Variants in FARP1 observed in about 807,000 individuals in gnomAD.
FARP1 encodes the protein FERM, ARH/RhoGEF and pleckstrin domain protein 1.
A neutral mutation model predicts 128.8 loss-of-function variants in FARP1; 52 were observed. That is an observed-to-expected ratio of 0.40 (90% CI 0.32 to 0.51). The LOEUF is 0.51. FARP1 is among the 20% of genes least tolerant of loss of function. FARP1 has a pLI of 0.45. For missense variants in FARP1, 1,333 were observed against 1,367.9 expected (o/e 0.97, Z 0.40); for synonymous variants, 580 against 551.8 (o/e 1.05, Z -0.72).
chr13:98,225,119 A>T lies in FARP1; in HGVS notation c.171+11706A>T, dbSNP rs557705053. ...AGTCACAGCATAAGTTGAATATAAG[A>T]GCTGAAAAAACCTCAGATGTTACTA... On this transcript the variant is annotated intron_variant, in intron 2 of 26. Coordinates refer to ENST00000319562, the MANE Select transcript of FARP1 (RefSeq NM_005766.4). Among the ~76,000 whole-genome samples the T allele has an allele frequency of 5.3e-5, 8 of 152,360 alleles. No homozygotes were observed. In the South Asian group the frequency reaches 1.7e-3, roughly 32 times the overall value.
intron 3 of FARP1, among the ~76,000 whole-genome samples, chr13:98,358,074 T>A (rs2139935957): frequency 6.6e-6 from 1 of 151,862 alleles, no homozygotes; most frequent in East Asian, 1.9e-4. Context: ...CATTTCTGTT[T>A]TTTTTTTTTT....
chr13:98,176,570 C>A lies in FARP1; in HGVS notation c.-24+33078C>A. The A allele has an allele frequency of 6.2e-7, 1 of 1,614,238 alleles. No individual in the cohort carries two copies. The highest frequency in any genetic ancestry group is 8.5e-7 in the Non-Finnish European group (1 of 1,180,050). On this transcript the variant is annotated intron_variant, in intron 1 of 26. Coordinates refer to ENST00000319562, the MANE Select transcript of FARP1 (RefSeq NM_005766.4). This position sits in a 1 kb window ranked among gnomAD's most constrained non-coding sequence, Gnocchi z 6.2. ...TCAAGCTCCCGTTCAATCTCCCACC[C>A]GAGCTTGTAATCGGAACGGTCGTGG... is the stretch of plus-strand genomic sequence containing the variant.
intron 2 of FARP1, among the ~76,000 whole-genome samples, chr13:98,336,840 A>G (rs904257717): frequency 1.3e-5 from 2 of 152,260 alleles, no homozygotes; most frequent in South Asian, 2.1e-4. Context: ...TTAGAGCATC[A>G]TTAAAAGTAG....
chr13:98,435,231 G>T (rs1364701129), intron 18 of FARP1, among the ~76,000 whole-genome samples: 1 of 152,082 alleles, frequency 6.6e-6, no homozygotes, highest in Non-Finnish European at 1.5e-5. Context: ...CGAGTAACAG[G>T]AGGGAAAAGA....
chr13:98,284,830 C>G (rs1382843065), intron 2 of FARP1, among the ~76,000 whole-genome samples: 2 of 152,168 alleles, frequency 1.3e-5, no homozygotes, highest in Admixed American at 6.5e-5. Flanking sequence ...AATCGTTCTT[C>G]CTGTGCCAGC....
At chr13:98,187,700 A>G (rs1396691945) in intron 1 of FARP1, among the ~76,000 whole-genome samples, 1 of 152,228 alleles carries the variant, frequency 6.6e-6, no homozygotes, top group Non-Finnish European at 1.5e-5. Context: ...ATTTGAGTCC[A>G]GAAGTTGCTG....
chr13:98,181,681 G>T (rs753003872), intron 1 of FARP1, among the ~76,000 whole-genome samples: 6 of 150,890 alleles, frequency 4.0e-5, no homozygotes, highest in Non-Finnish European at 7.4e-5. Context: ...TTGCCCAGGG[G>T]TGTGTGGCGC....
Position 98,322,586 on chromosome 13 carries a change from C to A in FARP1, c.172-21176C>A, listed in dbSNP as rs192999618. The stretch of plus-strand genomic sequence containing the variant: ...CAGTGCTCCTTAGCCGAGTACAGTT[C>A]TGACTGCCATGCGACCAAGACCCGG... On this transcript the variant is annotated intron_variant, in intron 2 of 26. Transcript: ENST00000319562. Among the ~76,000 whole-genome samples, 450 of 152,190 alleles carry A rather than the reference C, an allele frequency of 3.0e-3. 7 individuals carry two copies. The highest frequency in any genetic ancestry group is 1.3e-3 in the Non-Finnish European group (87 of 68,010).
chr13:98,250,805 T>G (rs532215678), intron 2 of FARP1, among the ~76,000 whole-genome samples: 22 of 152,334 alleles, frequency 1.4e-4, no homozygotes, highest in Admixed American at 1.4e-3. Context: ...CCCCCATCCC[T>G]TAAGAAGTAA....
chr13:98,446,475 C>G (rs1892842223), intron 25 of FARP1, 191 bp from the exon 26 acceptor site: 1 of 627,854 alleles, frequency 1.6e-6, no homozygotes, highest in East Asian at 2.7e-5. Context: ...ATCTACAGCT[C>G]AGTCCTGGCG....
chr13:98,149,247 C>T (rs1875796087), intron 1 of FARP1, among the ~76,000 whole-genome samples: 1 of 152,128 alleles, frequency 6.6e-6, no homozygotes, highest in Admixed American at 6.6e-5. Flanking sequence ...CTCTTCTGTT[C>T]CTCTTCCCTG....
chr13:98,199,375 G>A (rs1449990646), intron 1 of FARP1, among the ~76,000 whole-genome samples: 1 of 152,136 alleles, frequency 6.6e-6, no homozygotes, highest in South Asian at 2.1e-4. Context: ...GATAGATTAT[G>A]CATCTCATAA....
chr13:98,305,791 T>C (rs1886124121), intron 2 of FARP1, among the ~76,000 whole-genome samples: 1 of 152,238 alleles, frequency 6.6e-6, no homozygotes, highest in Admixed American at 6.5e-5. Flanking sequence ...GACGTTCCCC[T>C]GGTCCACTGT....
intron 3 of FARP1, 55 bp downstream of exon 3, chr13:98,343,921 G>T: frequency 8.9e-7 from 1 of 1,129,666 alleles, no homozygotes. Flanking sequence ...CTTGGTGGGG[G>T]GCTGGGCAGG....
intron 1 of FARP1, among the ~76,000 whole-genome samples, chr13:98,145,861 CAAAAAAAA>C (rs140525790): frequency 0.33 from 43,442 of 131,430 alleles, 6,862 homozygotes; most frequent in Admixed American, 0.38. Context: ...GACTCTGTCT[CAAAAAAAA>C]AAAAAAAAAA....
intron 1 of FARP1, among the ~76,000 whole-genome samples, chr13:98,187,687 A>C (rs189826720): frequency 2.6e-4 from 39 of 152,318 alleles, no homozygotes; most frequent in African/African-American, 8.9e-4. Flanking sequence ...CTGAGTGGAA[A>C]TCATTTGAGT....
intron 2 of FARP1, among the ~76,000 whole-genome samples, chr13:98,272,865 G>T (rs1884454078): frequency 6.6e-6 from 1 of 152,178 alleles, no homozygotes; most frequent in Non-Finnish European, 1.5e-5. Context: ...AACTCTTAAT[G>T]GGCACCCAAA....
chr13:98,375,009 A>G (rs1889520913), intron 5 of FARP1, among the ~76,000 whole-genome samples: 1 of 152,178 alleles, frequency 6.6e-6, no homozygotes, highest in Admixed American at 6.5e-5. Flanking sequence ...GACAACCCAA[A>G]CACCTTTCAC....
intron 3 of FARP1, among the ~76,000 whole-genome samples, chr13:98,358,278 C>A (rs1231308680): frequency 6.6e-6 from 1 of 152,064 alleles, no homozygotes; most frequent in East Asian, 1.9e-4. Context: ...CCTTCCTACA[C>A]CAGAGCCTGG....
Sources: gnomAD v4.1 joint callset for allele counts (sites outside exome capture counted in the v4.1 genomes callset) on GRCh38, gnomAD v4.1.1 for gene constraint, Gnocchi (gnomAD v3.1) non-coding constraint, MANE v1.5 for transcripts, NCBI Gene and HGNC (gene_info 2026-07-23, HGNC 2026-07-21) for gene names.